C10orf53: variants seen among roughly 807,000 people sequenced by gnomAD.
C10orf53 encodes chromosome 10 open reading frame 53.
A neutral mutation model predicts 9.4 loss-of-function variants in C10orf53; 8 were observed. The ratio of observed to expected loss-of-function variants is 0.85; its 90% CI spans 0.50 to 1.53. The LOEUF is 1.53. C10orf53 is among the 40% of genes most tolerant of loss of function. The probability of loss-of-function intolerance (pLI) is 0.00; values close to 1 mark genes in which losing one functional copy is unlikely to be tolerated. For synonymous variants in C10orf53, 48 were observed against 46.0 expected (o/e 1.04, Z -0.18); for missense variants, 117 against 117.8 (o/e 0.99, Z 0.03).
At chr10:49,698,838 C>T (rs1464092328), downstream of C10orf53, among the ~76,000 whole-genome samples, 3 of 152,254 alleles carry the variant, frequency 2.0e-5, no homozygotes, top group East Asian at 3.9e-4. Flanking sequence ...CACCCGAGGC[C>T]TCCGAAGTCA....
downstream of C10orf53, among the ~76,000 whole-genome samples, chr10:49,699,499 G>A (rs148344942): frequency 5.4e-4 from 82 of 151,740 alleles, no homozygotes; most frequent in African/African-American, 1.9e-3. Context: ...CCAGTATGGT[G>A]GCTCAATTAA....
downstream of C10orf53, among the ~76,000 whole-genome samples, chr10:49,698,793 G>T (rs1840657575): frequency 6.6e-6 from 1 of 152,138 alleles, no homozygotes; most frequent in Non-Finnish European, 1.5e-5. Flanking sequence ...ATAGGACGGG[G>T]CACTGCACTT....
At chr10:49,705,137 AT>A (rs1840714178) in intron 2 of C10orf53, among the ~76,000 whole-genome samples, 1 of 152,228 alleles carries the variant, frequency 6.6e-6, no homozygotes, top group Admixed American at 6.5e-5. Flanking sequence ...GCTCTCTAAA[AT>A]ATATTGCTAA....
At chr10:49,701,589 C>T (rs533143049), downstream of C10orf53, among the ~76,000 whole-genome samples, 4 of 152,324 alleles carry the variant, frequency 2.6e-5, no homozygotes, top group East Asian at 7.7e-4. Context: ...AAACCATAGT[C>T]TTTTCTCTGC....
At chr10:49,692,985 G>A (rs1246852604) in intron 1 of C10orf53, among the ~76,000 whole-genome samples, 1 of 152,068 alleles carries the variant, frequency 6.6e-6, no homozygotes, top group African/African-American at 2.4e-5. Flanking sequence ...TCTCACCACA[G>A]ACAGATAATC....
rs569037634 is a variant in C10orf53, at chr10:49,691,724, G to T, written c.98-2050G>T. 1.1e-4 allele frequency among the ~76,000 whole-genome samples: 16 copies of T among 152,350 alleles called. No individual in the cohort carries two copies. In the South Asian group the frequency reaches 2.7e-3, roughly 26 times the overall value. ...TGTCCTCTAAACTCCAAGCTCAGAT[G>T]CCACGTGAGGCTCAGTCAGCAGGCC... is the stretch of plus-strand genomic sequence containing the variant. On this transcript the variant is annotated intron_variant, in intron 1 of 2. Transcript: ENST00000374111.
At chr10:49,691,522 C>A (rs1840583600) in intron 1 of C10orf53, among the ~76,000 whole-genome samples, 2 of 152,172 alleles carry the variant, frequency 1.3e-5, no homozygotes, top group South Asian at 2.1e-4. Context: ...GCTTTGCAAC[C>A]CTGTAGAGGG....
downstream of C10orf53, among the ~76,000 whole-genome samples, chr10:49,699,109 G>A (rs1840660075): frequency 6.7e-6 from 1 of 149,910 alleles, no homozygotes; most frequent in South Asian, 2.1e-4. Context: ...TTACTGAAAG[G>A]CATTTTTAAA....
downstream of C10orf53, among the ~76,000 whole-genome samples, chr10:49,699,188 A>ATTTTTTTTTTT (rs1210027084): frequency 4.8e-4 from 23 of 47,778 alleles, no homozygotes; most frequent in South Asian, 2.0e-3. Context: ...TGGTGGCTCA[A>ATTTTTTTTTTT]TCTTTTTTTT....
At chr10:49,708,222 G>A in intron 2 of C10orf53, 1 of 1,344,518 alleles carries the variant, frequency 7.4e-7, no homozygotes. Flanking sequence ...ATTGGCTTAA[G>A]AATATAGGAA....
At chr10:49,685,734 T>C (rs1359700770) in intron 1 of C10orf53, among the ~76,000 whole-genome samples, 1 of 152,174 alleles carries the variant, frequency 6.6e-6, no homozygotes, top group African/African-American at 2.4e-5. Context: ...GTGTGATGAG[T>C]CATTTCTTTC....
chr10:49,693,329 A>T (rs1399875383), intron 1 of C10orf53, among the ~76,000 whole-genome samples: 1 of 152,168 alleles, frequency 6.6e-6, no homozygotes, highest in African/African-American at 2.4e-5. Context: ...AATTTCCTGG[A>T]CTAAAGATTA....
intron 2 of C10orf53, among the ~76,000 whole-genome samples, chr10:49,705,310 C>T (rs1293801487): frequency 6.6e-6 from 1 of 152,178 alleles, no homozygotes; most frequent in Non-Finnish European, 1.5e-5. Flanking sequence ...CAGCAATGAG[C>T]AGGAGATCTT....
rs1177165980 is a variant in C10orf53 at position 49,694,584 on chromosome 10, C to T, written c.264C>T (p.Ala88=). Reference sequence around the variant, plus strand: ...CACTGTGTGAAAAGGCCAGGATAGCCGTGCTGAATGCCTACTGATCTCCTC... The same window carrying T: ...CACTGTGTGAAAAGGCCAGGATAGCTGTGCTGAATGCCTACTGATCTCCTC... The part of the protein sequence containing the change: ...LDPLCEKARI[A]VLNAY The change falls in exon 3 of 3, where the codon GCC becomes GCT. Residue 88 remains alanine, a synonymous_variant. Transcript: ENST00000374111. 8.1e-6 allele frequency: 13 copies of T among 1,614,230 alleles called. No homozygotes were observed. The highest frequency in any genetic ancestry group is 4.5e-5 in the East Asian group (2 of 44,884).
In C10orf53 at chr10:49,679,824, G is replaced by C. The variant is rs1323330481; in HGVS notation, c.97+30G>C. 2.0e-6 allele frequency: 3 copies of C among 1,516,670 alleles called. No individual in the cohort carries two copies. In the African/African-American group the frequency reaches 4.2e-5, roughly 21 times the overall value. The allele number at this position is 1,516,670 out of a possible 1,614,324, so 94.0% of individuals were successfully genotyped here. On this transcript the variant is annotated intron_variant, in intron 1 of 2. Transcript: ENST00000374111. ...GCCTCCTCGCCGCGTGCGCCCCTGAGGGCCCCAGCCTCTGAGCATCCGTGC... is the reference window on the plus strand; with the variant it reads ...GCCTCCTCGCCGCGTGCGCCCCTGACGGCCCCAGCCTCTGAGCATCCGTGC...
intron 1 of C10orf53, among the ~76,000 whole-genome samples, chr10:49,684,454 G>A (rs1840508137): frequency 6.6e-6 from 1 of 152,148 alleles, no homozygotes; most frequent in East Asian, 1.9e-4. Flanking sequence ...GGGTAGTATT[G>A]TTATTTTAAC....
chr10:49,679,810 G>C lies in C10orf53; in HGVS notation c.97+16G>C. ...GGCCTGCAAGGTGGGCCTCCTCGCC[G>C]CGTGCGCCCCTGAGGGCCCCAGCCT... On this transcript the variant is annotated intron_variant, in intron 1 of 2. Transcript: ENST00000374111. The C allele has an allele frequency of 6.6e-7, 1 of 1,526,252 alleles. No individual in the cohort carries two copies. Among genetic ancestry groups the C allele is most frequent in the Non-Finnish European group, 8.8e-7 (1 of 1,138,298 alleles). The allele number at this position is 1,526,252 out of a possible 1,614,324, so 94.5% of individuals were successfully genotyped here.
At chr10:49,682,283 C>T (rs534247047) in intron 1 of C10orf53, among the ~76,000 whole-genome samples, 15 of 152,144 alleles carry the variant, frequency 9.9e-5, no homozygotes, top group Non-Finnish European at 1.9e-4. Context: ...TTTATTCCTT[C>T]TGGTGGGTTC....
downstream of C10orf53, among the ~76,000 whole-genome samples, chr10:49,701,575 AAGTAAACCAT>A (rs1282004285): frequency 6.6e-5 from 10 of 152,160 alleles, no homozygotes; most frequent in Non-Finnish European, 8.8e-5. Context: ...CAGTTCCTCA[AAGTAAACCAT>A]AGTCTTTTCT....
Sources: gnomAD v4.1 joint callset for allele counts (sites outside exome capture counted in the v4.1 genomes callset) on GRCh38, gnomAD v4.1.1 for gene constraint, MANE v1.5 for transcripts, NCBI Gene and HGNC (gene_info 2026-07-23, HGNC 2026-07-21) for gene names.